Variants in NUP98 observed in about 807,000 individuals in gnomAD.
NUP98 encodes nuclear pore complex protein Nup98-Nup96.
A neutral mutation model predicts 191.9 loss-of-function variants in NUP98; 26 were observed. That is an observed-to-expected ratio of 0.14 (90% CI 0.10 to 0.19). The LOEUF is 0.19. Among genes scored for constraint, NUP98 ranks in the 10% least tolerant of loss-of-function variants. The pLI is 1.00. For missense variants in NUP98, 1,941 were observed against 2,178.8 expected, an observed-to-expected ratio of 0.89 and a Z score of 2.17; for synonymous variants, 808 against 778.4, an observed-to-expected ratio of 1.04 and a Z score of -0.63.
chr11:3,731,577 C>T lies in NUP98; in HGVS notation c.1544G>A (p.Arg515Lys). 1 of 1,524,540 alleles carries T rather than the reference C, an allele frequency of 6.6e-7. No individual in the cohort carries two copies. Among genetic ancestry groups the T allele is most frequent in the Non-Finnish European group, 8.8e-7 (1 of 1,133,576 alleles). The allele number at this position is 1,524,540 out of a possible 1,614,324, so 94.4% of individuals were successfully genotyped here. The change falls in exon 14 of 33, where the codon AGA (arginine) becomes AAA (lysine). Residue 515 changes from arginine to lysine, a missense_variant and splice_region_variant. Arg to Lys is a conservative substitution (Grantham distance 26, BLOSUM62 2). Around this residue, in one of 6 missense-constraint regions of NUP98, gnomAD observed 453 missense variants for 438.2 expected, o/e 1.03. Coordinates refer to ENST00000324932, the MANE Select transcript of NUP98 (RefSeq NM_016320.5). ...GGCTGCTGGATTTGTTGGTTTCAAT[C>T]TCTGAAAAACAAAAGCATCAAGGAA... ...PMSDPKKKEERLKPTNPAAQK... is the reference protein window; with the variant it reads ...PMSDPKKKEEKLKPTNPAAQK...
chr11:3,708,446 G>A (rs602879), intron 20 of NUP98, among the ~76,000 whole-genome samples: 42,998 of 151,950 alleles, frequency 0.28, 6,992 homozygotes, highest in African/African-American at 0.43. Flanking sequence ...GGGACTCGTC[G>A]TATGTTTACG....
At chr11:3,738,755 G>C (rs1348749498) in intron 12 of NUP98, among the ~76,000 whole-genome samples, 1 of 121,574 alleles carries the variant, frequency 8.2e-6, no homozygotes, top group Non-Finnish European at 1.6e-5. Context: ...TCCAGCCTGG[G>C]TGACAGAGTA....
In NUP98 at chr11:3,691,498, A is replaced by T; in HGVS notation, c.4312-9T>A. On this transcript the variant is annotated splice_polypyrimidine_tract_variant and intron_variant, in intron 27 of 32. Coordinates refer to ENST00000324932, the MANE Select transcript of NUP98 (RefSeq NM_016320.5). ...TCACTGTCAGAGGTATTCTGAAGGA[A>T]TAATTTGATAAAACAATACATTAGC... 1 of 1,613,650 alleles carries T rather than the reference A, an allele frequency of 6.2e-7. No homozygotes were observed. The highest frequency in any genetic ancestry group is 1.7e-4 in the Middle Eastern group (1 of 6,058).
rs377383450 is a variant in NUP98 at position 3,779,241 on chromosome 11, A to G, written c.93T>C (p.Thr31=). Residue 31 remains threonine (T), a synonymous_variant, in exon 3 of 33, where the codon ACT becomes ACC. Coordinates refer to ENST00000324932, the MANE Select transcript of NUP98 (RefSeq NM_016320.5). ...STFGQNTGFG[T]TSGGAFGTSA... ...ATGTTCCAAATGCCCCTCCACTAGT[A>G]GTGCCAAAGCCAGTATCTGAAAAAG... The G allele has an allele frequency of 2.5e-6, 4 of 1,614,134 alleles. No individual in the cohort carries two copies. Among genetic ancestry groups the G allele is most frequent in the Non-Finnish European group, 3.4e-6 (4 of 1,179,926 alleles).
chr11:3,719,981 G>C (rs1358959151), intron 17 of NUP98, among the ~76,000 whole-genome samples: 1 of 151,990 alleles, frequency 6.6e-6, no homozygotes, highest in East Asian at 1.9e-4. Flanking sequence ...GGCTGGTCTA[G>C]AACTCCTGAG....
rs1388681065 is a variant in NUP98 at position 3,688,820 on chromosome 11, C to CATATACATATACATATATAT, written c.4454+2526_4454+2527insATATATATGTATATGTATAT. Among the ~76,000 whole-genome samples, 206 of 136,256 alleles carry CATATACATATACATATATAT rather than the reference C, an allele frequency of 1.5e-3. 1 individual carries two copies. Among genetic ancestry groups the CATATACATATACATATATAT allele is most frequent in the African/African-American group, 5.7e-3 (203 of 35,652 alleles). The allele number at this position is 136,256 out of a possible 152,430, so 89.4% of individuals were successfully genotyped here. On this transcript the variant is annotated intron_variant, in intron 28 of 32. Transcript: ENST00000324932. The stretch of plus-strand genomic sequence containing the variant: ...AAATATATATATGTATTTAAATATA[C>CATATACATATACATATATAT]ATATATATATATATATATATATTTA...
At chr11:3,713,696 G>GC in intron 19 of NUP98, 122 bp downstream of exon 19, 2 of 937,616 alleles carry the variant, frequency 2.1e-6, no homozygotes, top group Non-Finnish European at 3.2e-6. Context: ...TCCAGCCTGA[G>GC]CAACAGAGCA....
chr11:3,758,770 GGAGAGAGACA>G (rs200434645), intron 10 of NUP98, among the ~76,000 whole-genome samples: 18 of 152,148 alleles, frequency 1.2e-4, no homozygotes, highest in Admixed American at 2.0e-4. Flanking sequence ...GGGAGGGAGG[GGAGAGAGACA>G]GAGAGAGACA....
At chr11:3,728,775 AC>A (rs1235763645) in intron 14 of NUP98, among the ~76,000 whole-genome samples, 13 of 152,102 alleles carry the variant, frequency 8.5e-5, no homozygotes, top group Admixed American at 7.9e-4. Context: ...AACAATAAGA[AC>A]TGAAGAGTAT....
At chr11:3,700,576 G>T in intron 24 of NUP98, 34 bp downstream of exon 24, 1 of 1,439,392 alleles carries the variant, frequency 6.9e-7, no homozygotes, top group Non-Finnish European at 9.7e-7. Context: ...CTATTATTGG[G>T]ACATCAAACA....
intron 20 of NUP98, chr11:3,711,909 A>G: frequency 9.6e-7 from 1 of 1,039,354 alleles, no homozygotes; most frequent in Non-Finnish European, 1.2e-6. Context: ...AGCATGGAAA[A>G]TACCAAAGGT....
intron 10 of NUP98, among the ~76,000 whole-genome samples, chr11:3,758,897 A>G (rs2081069205): frequency 6.6e-6 from 1 of 152,242 alleles, no homozygotes; most frequent in Non-Finnish European, 1.5e-5. Context: ...TATAGGAACT[A>G]TAATCATTTC....
intron 14 of NUP98, among the ~76,000 whole-genome samples, chr11:3,727,807 T>C (rs1589820514): frequency 6.6e-6 from 1 of 152,054 alleles, no homozygotes; most frequent in South Asian, 2.1e-4. Flanking sequence ...CAGGATCACT[T>C]GAAGCTAGGA....
At position 3,777,299 on chromosome 11, in the gene NUP98, A is replaced by G. The variant is rs1004206797; in HGVS notation, c.356-1278T>C. Among the ~76,000 whole-genome samples, 13 of 152,326 alleles carry G rather than the reference A, an allele frequency of 8.5e-5. No homozygotes were observed. The South Asian group carries it at 2.7e-3, about 32-fold the overall frequency. Reference sequence around the variant, plus strand: ...ATGAATTTAATTGTTGCTAAGGAATATATTGCTGAAAGTATGAGAGACACT... The same window carrying G: ...ATGAATTTAATTGTTGCTAAGGAATGTATTGCTGAAAGTATGAGAGACACT... On this transcript the variant is annotated intron_variant, in intron 4 of 32. Transcript: ENST00000324932.
At chr11:3,708,093 C>T (rs1321064710) in intron 20 of NUP98, among the ~76,000 whole-genome samples, 3 of 152,036 alleles carry the variant, frequency 2.0e-5, no homozygotes, top group African/African-American at 4.8e-5. Context: ...AGTTAAACTC[C>T]CATCTCAAAA....
intron 20 of NUP98, 154 bp downstream of exon 20, chr11:3,712,410 C>A: frequency 7.0e-7 from 1 of 1,430,648 alleles, no homozygotes; most frequent in Non-Finnish European, 9.1e-7. Context: ...TGCAAGACCT[C>A]ACGCCCTCCC....
chr11:3,782,941 T>C (rs964728785), intron 1 of NUP98, among the ~76,000 whole-genome samples: 1 of 152,200 alleles, frequency 6.6e-6, no homozygotes, highest in Non-Finnish European at 1.5e-5. Flanking sequence ...ATAGTAAATG[T>C]TTTTCAAATT....
chr11:3,747,482 A>AT (rs1468681111), intron 11 of NUP98, among the ~76,000 whole-genome samples: 1 of 152,180 alleles, frequency 6.6e-6, no homozygotes, highest in Non-Finnish European at 1.5e-5. Flanking sequence ...AATGATGTTA[A>AT]TATCACTATA....
chr11:3,790,457 A>G (rs187254202), intron 1 of NUP98, among the ~76,000 whole-genome samples: 42 of 152,276 alleles, frequency 2.8e-4, no homozygotes, highest in Non-Finnish European at 5.0e-4. Context: ...AAGACCCCTA[A>G]AAGTCCCCAA....
Sources: gnomAD v4.1 joint callset for allele counts (sites outside exome capture counted in the v4.1 genomes callset) on GRCh38, gnomAD v4.1.1 for gene constraint, gnomAD v4.1.1 regional missense constraint, MANE v1.5 for transcripts, NCBI Gene and HGNC (gene_info 2026-07-23, HGNC 2026-07-21) for gene names.